The following DENND11 variants were observed in gnomAD, a reference collection of about 807,000 sequenced individuals.
DENND11 encodes the protein DENN domain-containing protein 11.
A neutral mutation model predicts 49.2 loss-of-function variants in DENND11; 34 were observed. That is an observed-to-expected ratio of 0.69 (90% CI 0.53 to 0.92). The LOEUF (loss-of-function observed/expected upper bound fraction) is 0.92, where lower values mean the gene tolerates loss of function less well. DENND11 is among the 40% of genes least tolerant of loss of function. The probability of loss-of-function intolerance (pLI) is 0.00; values close to 1 mark genes in which losing one functional copy is unlikely to be tolerated. For missense variants in DENND11, 475 were observed against 581.6 expected, an observed-to-expected ratio of 0.82 and a Z score of 1.88; for synonymous variants, 238 against 230.3, an observed-to-expected ratio of 1.03 and a Z score of -0.30.
rs1797751947 is a variant in DENND11 at position 141,659,321 on chromosome 7, A to G, written c.*3335T>C. ...GACACTGGAATGGTCTCTACCAGGC[A>G]TAGGGAATGGTTCGTGTTTAAAGGC... On this transcript the variant is annotated 3_prime_UTR_variant, in exon 9 of 9. Coordinates refer to ENST00000536163, the MANE Select transcript of DENND11 (RefSeq NM_001080392.2). 1 of 152,274 alleles carries G rather than the reference A, an allele frequency of 6.6e-6. No homozygotes were observed. The highest frequency in any genetic ancestry group is 1.9e-4 in the East Asian group (1 of 5,198). The allele number at this position is 152,274 out of a possible 1,614,324, so 9.4% of individuals were successfully genotyped here.
At position 141,666,406 on chromosome 7, in the gene DENND11, C is replaced by T; in HGVS notation, c.701G>A (p.Cys234Tyr). The change falls in exon 5 of 9, where the codon TGC becomes TAC. Residue 234 changes from cysteine (C) to tyrosine (Y), a missense_variant. By Grantham distance (194) the Cys-to-Tyr change is radical. Coordinates refer to ENST00000536163, the MANE Select transcript of DENND11 (RefSeq NM_001080392.2). ...AAAGAACTTTATAAACTGAGACATG[C>T]AGCCAGCTGGGTGTGTGATCTGAAA... ...PEMKITHPAG[C>Y]MSQFIKFFGE... The T allele has an allele frequency of 6.2e-7, 1 of 1,606,744 alleles. No homozygotes were observed. Among genetic ancestry groups the T allele is most frequent in the Non-Finnish European group, 8.5e-7 (1 of 1,174,390 alleles).
chr7:141,681,039 A>G (rs1798140192), intron 3 of DENND11, among the ~76,000 whole-genome samples: 1 of 152,138 alleles, frequency 6.6e-6, no homozygotes, highest in Non-Finnish European at 1.5e-5. Context: ...TGTTGCTGGA[A>G]GGGGAGGGTG....
intron 1 of DENND11, among the ~76,000 whole-genome samples, chr7:141,694,545 G>C (rs1242696457): frequency 6.6e-6 from 1 of 152,140 alleles, no homozygotes; most frequent in East Asian, 1.9e-4. Flanking sequence ...ACAGGCGTTA[G>C]TATATGTATT....
At chr7:141,663,014 TC>T (rs1797828417) in intron 8 of DENND11, 163 bp from the exon 9 acceptor site, 2 of 538,328 alleles carry the variant, frequency 3.7e-6, no homozygotes, top group Non-Finnish European at 6.3e-6. Context: ...AGTTAATTAT[TC>T]AAGTGCTACT....
chr7:141,689,347 T>C (rs1270634344), intron 1 of DENND11, among the ~76,000 whole-genome samples: 2 of 152,012 alleles, frequency 1.3e-5, no homozygotes, highest in Non-Finnish European at 2.9e-5. Context: ...CAAACTAACA[T>C]GGGAACAGAA....
At chr7:141,685,716 T>A in intron 2 of DENND11, 80 bp from the exon 3 acceptor site, 1 of 1,463,676 alleles carries the variant, frequency 6.8e-7, no homozygotes, top group Non-Finnish European at 9.3e-7. Context: ...ACAAATGAAC[T>A]GTGTTCGGGG....
At position 141,665,309 on chromosome 7, in the gene DENND11, C is replaced by A. The variant is rs754949573; in HGVS notation, c.830G>T (p.Cys277Phe). The change falls in exon 6 of 9, where the codon TGC becomes TTC. Residue 277 changes from cysteine (C) to phenylalanine (F), a missense_variant. By Grantham distance (205) the Cys-to-Phe change is radical (BLOSUM62 -2). Coordinates refer to ENST00000536163, the MANE Select transcript of DENND11 (RefSeq NM_001080392.2). ...VGVVCYRVYC[C>F]CCLANVSLPG... ...CAGTGAAACGTTGGCCAAGCAGCAGCAGCAGTACACTGTGGGGATAGAGGA... is the reference window on the plus strand; with the variant it reads ...CAGTGAAACGTTGGCCAAGCAGCAGAAGCAGTACACTGTGGGGATAGAGGA... 6.2e-7 allele frequency: 1 copy of A among 1,613,908 alleles called. No homozygotes were observed. The highest frequency in any genetic ancestry group is 8.5e-7 in the Non-Finnish European group (1 of 1,179,864).
intron 4 of DENND11, among the ~76,000 whole-genome samples, chr7:141,671,510 G>A (rs964734246): frequency 6.6e-6 from 1 of 151,826 alleles, no homozygotes; most frequent in African/African-American, 2.4e-5. Context: ...ATATTGTTTT[G>A]TAAAAAGAAG....
At chr7:141,698,462 C>T (rs561065290) in intron 1 of DENND11, among the ~76,000 whole-genome samples, 1 of 152,278 alleles carries the variant, frequency 6.6e-6, no homozygotes, top group Non-Finnish European at 1.5e-5. Context: ...TCAGCACCAC[C>T]ATCCTAGGGC....
At chr7:141,686,502 G>C (rs1798244794) in intron 2 of DENND11, 57 bp downstream of exon 2, 1 of 1,119,178 alleles carries the variant, frequency 8.9e-7, no homozygotes, top group Admixed American at 1.9e-5. Flanking sequence ...CAGCTTTGGG[G>C]AAAGTGTGGA....
At chr7:141,697,880 T>C (rs1008203899) in intron 1 of DENND11, among the ~76,000 whole-genome samples, 1 of 152,210 alleles carries the variant, frequency 6.6e-6, no homozygotes, top group Non-Finnish European at 1.5e-5. Flanking sequence ...AAATAGGTGT[T>C]TAGATGTAAT....
At chr7:141,663,274 A>C (rs1797832770) in intron 8 of DENND11, 1 of 163,292 alleles carries the variant, frequency 6.1e-6, no homozygotes, top group African/African-American at 2.4e-5. Context: ...TCCCTTGATG[A>C]CTCTTTGGGA....
Position 141,662,453 on chromosome 7 carries a change from G to T in DENND11, c.*203C>A, listed in dbSNP as rs1797813603. 2 of 443,760 alleles carry T rather than the reference G, an allele frequency of 4.5e-6. No homozygotes were observed. The highest frequency in any genetic ancestry group is 4.1e-5 in the African/African-American group (2 of 49,250). The allele number at this position is 443,760 out of a possible 1,614,324, so 27.5% of individuals were successfully genotyped here. A position where few individuals can be genotyped will look rare whatever the true frequency, so the allele number is the denominator to read the frequency against. On this transcript the variant is annotated 3_prime_UTR_variant, in exon 9 of 9. Transcript: ENST00000536163. ...GTGGCAGATTCCAATATCCTAACATGGCAGGACACAAAACCAAGGTGATCT... is the reference window on the plus strand; with the variant it reads ...GTGGCAGATTCCAATATCCTAACATTGCAGGACACAAAACCAAGGTGATCT...
In DENND11 at chr7:141,658,147, A is replaced by T. The variant is rs922856180; in HGVS notation, c.*4509T>A. On this transcript the variant is annotated 3_prime_UTR_variant, in exon 9 of 9. Transcript: ENST00000536163. ...CCATTTCTTCTAGAATAATAGTTTT[A>T]AAATTTCCTTCCATTTCAGTATATG... is the stretch of plus-strand genomic sequence containing the variant. 1 of 152,230 alleles carries T rather than the reference A, an allele frequency of 6.6e-6. No individual in the cohort carries two copies. Among genetic ancestry groups the T allele is most frequent in the African/African-American group, 2.4e-5 (1 of 41,456 alleles). The allele number at this position is 152,230 out of a possible 1,614,324, so 9.4% of individuals were successfully genotyped here. A position where few individuals can be genotyped will look rare whatever the true frequency, so the allele number is the denominator to read the frequency against.
intron 3 of DENND11, among the ~76,000 whole-genome samples, chr7:141,678,685 G>A (rs1206730282): frequency 1.3e-5 from 2 of 152,110 alleles, no homozygotes; most frequent in African/African-American, 4.8e-5. Flanking sequence ...ATCTCTAACT[G>A]ATAAAGTCTG....
rs952857304 is a variant in DENND11 at position 141,669,985 on chromosome 7, T to C, written c.682-3560A>G. On this transcript the variant is annotated intron_variant, in intron 4 of 8. Transcript: ENST00000536163. ...GCCACCTCGCCCGGCTAATTTTTTG[T>C]ATTTTTAGTAGAGACGGGGTTTCAC... Among the ~76,000 whole-genome samples, 28 of 151,300 alleles carry C rather than the reference T, an allele frequency of 1.9e-4. 1 individual carries two copies. Among genetic ancestry groups the C allele is most frequent in the African/African-American group, 6.8e-4 (28 of 41,000 alleles).
chr7:141,697,747 T>C (rs1798439498), intron 1 of DENND11, among the ~76,000 whole-genome samples: 1 of 151,758 alleles, frequency 6.6e-6, no homozygotes, highest in Non-Finnish European at 1.5e-5. Context: ...TCTCCATTGT[T>C]TAAAAAAAAA....
chr7:141,685,239 A>G (rs1381205267), intron 3 of DENND11, among the ~76,000 whole-genome samples: 2 of 152,044 alleles, frequency 1.3e-5, no homozygotes, highest in Non-Finnish European at 2.9e-5. Flanking sequence ...AAGTGATGGT[A>G]GTATTAAATC....
Position 141,665,239 on chromosome 7 carries a change from G to T in DENND11, c.900C>A (p.Tyr300Ter). The part of the protein sequence containing the change: ...GTIPESKPFF[Y>*]VNVADIESLE... ...GGCTCTCGATGTCAGCCACGTTCAC[G>T]TAGAAGAAAGGTTTGGACTCAGGAA... The change falls in exon 6 of 9, where the codon TAC becomes TAA. Residue 300 changes from tyrosine (Y) to a stop codon, truncating the protein, a stop_gained. Coordinates refer to ENST00000536163, the MANE Select transcript of DENND11 (RefSeq NM_001080392.2). LOFTEE classifies it high-confidence loss of function. 6.2e-7 allele frequency: 1 copy of T among 1,613,570 alleles called. No individual in the cohort carries two copies. The highest frequency in any genetic ancestry group is 1.1e-5 in the South Asian group (1 of 90,928).
Sources: allele counts gnomAD v4.1 joint callset (sites outside exome capture counted in the v4.1 genomes callset), GRCh38; gene constraint gnomAD v4.1.1; transcripts MANE v1.5; gene names NCBI Gene and HGNC (gene_info 2026-07-23, HGNC 2026-07-21).